The following ATF7IP variants were observed in gnomAD, a reference collection of about 807,000 sequenced individuals.
The protein encoded by ATF7IP is activating transcription factor 7 interacting protein, also known as activating transcription factor 7-interacting protein 1.
A neutral mutation model predicts 106.4 loss-of-function variants in ATF7IP; 23 were observed. That is an observed-to-expected ratio of 0.22 (90% CI 0.16 to 0.31). ATF7IP has a LOEUF of 0.31. Ranked by LOEUF, ATF7IP falls within the 10% of genes least tolerant of loss-of-function variation. The pLI is 1.00. For synonymous variants in ATF7IP, 542 were observed against 539.0 expected, an observed-to-expected ratio of 1.01 and a Z score of -0.08; for missense variants, 1,334 against 1,524.3, an observed-to-expected ratio of 0.88 and a Z score of 2.08.
chr12:14,483,303 C>T (rs1338091782), intron 13 of ATF7IP, among the ~76,000 whole-genome samples: 1 of 152,160 alleles, frequency 6.6e-6, no homozygotes, highest in Non-Finnish European at 1.5e-5. Context: ...CTAAGAGACA[C>T]CCTAATGGAT....
chr12:14,428,614 CAG>C (rs1235011849), intron 2 of ATF7IP, among the ~76,000 whole-genome samples: 2 of 152,128 alleles, frequency 1.3e-5, no homozygotes, highest in African/African-American at 2.4e-5. Context: ...ACTCAGAACA[CAG>C]AATTATTAGC....
Position 14,498,239 on chromosome 12 carries a change from C to T in ATF7IP, c.*166C>T. 1 of 646,042 alleles carries T rather than the reference C, an allele frequency of 1.5e-6. No homozygotes were observed. Among genetic ancestry groups the T allele is most frequent in the Admixed American group, 3.0e-5 (1 of 33,654 alleles). 40.0% of individuals were successfully genotyped at this position (646,042 alleles called of 1,614,324 possible). On this transcript the variant is annotated 3_prime_UTR_variant, in exon 15 of 15. Transcript: ENST00000261168. Reference sequence around the variant, plus strand: ...AACCAGAAGCAAAATAAACTCAGCCCACAAAGCTAGAATCTTTTCCTGGAC... The same window carrying T: ...AACCAGAAGCAAAATAAACTCAGCCTACAAAGCTAGAATCTTTTCCTGGAC...
chr12:14,456,523 G>C (rs1218927984), intron 6 of ATF7IP, 38 bp from the exon 7 acceptor site: 1 of 1,462,700 alleles, frequency 6.8e-7, no homozygotes, highest in Non-Finnish European at 9.5e-7. Context: ...CCTGTGTGTT[G>C]AGTTTTATTT....
At chr12:14,406,564 G>T (rs1232306143) in intron 1 of ATF7IP, among the ~76,000 whole-genome samples, 1 of 150,214 alleles carries the variant, frequency 6.7e-6, no homozygotes, top group Non-Finnish European at 1.5e-5. Context: ...TTAAATTTTG[G>T]ATATCTGTTG....
chr12:14,392,865 A>G (rs1939640569), intron 1 of ATF7IP, among the ~76,000 whole-genome samples: 1 of 152,224 alleles, frequency 6.6e-6, no homozygotes, highest in South Asian at 2.1e-4. Flanking sequence ...TAAAACTCAT[A>G]TTTTATATGC....
intron 13 of ATF7IP, among the ~76,000 whole-genome samples, chr12:14,491,984 A>G (rs796332573): frequency 6.6e-6 from 1 of 152,194 alleles, no homozygotes; most frequent in African/African-American, 2.4e-5. Context: ...ACCTCCAGGT[A>G]TGGGATATAG....
At chr12:14,495,591 T>C (rs541778955) in intron 13 of ATF7IP, among the ~76,000 whole-genome samples, 2 of 152,314 alleles carry the variant, frequency 1.3e-5, no homozygotes, top group East Asian at 3.9e-4. Context: ...TAGGTGGCTC[T>C]AAATTTTCTC....
At chr12:14,441,750 A>T (rs1346499283) in intron 5 of ATF7IP, among the ~76,000 whole-genome samples, 3 of 151,996 alleles carry the variant, frequency 2.0e-5, no homozygotes, top group Non-Finnish European at 2.9e-5. Flanking sequence ...CGGCCTCCCA[A>T]AGTGCTGGGA....
intron 1 of ATF7IP, among the ~76,000 whole-genome samples, chr12:14,367,805 T>C (rs529189438): frequency 6.6e-6 from 1 of 152,208 alleles, no homozygotes; most frequent in East Asian, 1.9e-4. Context: ...GTAAACTTAA[T>C]AAGATTAATT....
intron 1 of ATF7IP, among the ~76,000 whole-genome samples, chr12:14,412,505 T>C (rs1353831854): frequency 1.3e-5 from 2 of 152,168 alleles, no homozygotes; most frequent in African/African-American, 4.8e-5. Context: ...TTTGGCAAAA[T>C]TAATTTTTGA....
chr12:14,483,174 G>T (rs983416833), intron 13 of ATF7IP, among the ~76,000 whole-genome samples: 3 of 152,182 alleles, frequency 2.0e-5, no homozygotes, highest in African/African-American at 7.2e-5. Flanking sequence ...AAGCACCTCA[G>T]CTGGTCGTGG....
intron 13 of ATF7IP, among the ~76,000 whole-genome samples, chr12:14,487,832 G>A (rs1944675741): frequency 6.6e-6 from 1 of 152,122 alleles, no homozygotes; most frequent in Non-Finnish European, 1.5e-5. Context: ...TTTGTCCACT[G>A]AACTTAGGAG....
At chr12:14,470,763 A>T (rs916995690) in intron 10 of ATF7IP, among the ~76,000 whole-genome samples, 1 of 152,226 alleles carries the variant, frequency 6.6e-6, no homozygotes, top group Non-Finnish European at 1.5e-5. Flanking sequence ...TTATAAATGT[A>T]GTTAATAATT....
chr12:14,453,767 G>A (rs1943301878), intron 6 of ATF7IP, among the ~76,000 whole-genome samples: 1 of 151,962 alleles, frequency 6.6e-6, no homozygotes, highest in South Asian at 2.1e-4. Flanking sequence ...TGGGGTTACA[G>A]GTGCCCACCA....
chr12:14,397,185 A>G (rs528900187), intron 1 of ATF7IP, among the ~76,000 whole-genome samples: 2 of 152,234 alleles, frequency 1.3e-5, no homozygotes, highest in Non-Finnish European at 1.5e-5. Context: ...CCAAAAACAA[A>G]CAAAAAAACA....
chr12:14,430,072 C>G (rs776280663), intron 2 of ATF7IP, among the ~76,000 whole-genome samples: 1 of 152,092 alleles, frequency 6.6e-6, no homozygotes, highest in Non-Finnish European at 1.5e-5. Flanking sequence ...AAGAATTGTG[C>G]TTTTGGCATT....
chr12:14,424,608 T>C lies in ATF7IP; in HGVS notation c.693T>C (p.Ser231=). 6.2e-7 allele frequency: 1 copy of C among 1,614,168 alleles called. No homozygotes were observed. The highest frequency in any genetic ancestry group is 1.1e-5 in the South Asian group (1 of 91,088). Residue 231 remains serine, a synonymous_variant, in exon 2 of 15, where the codon TCT becomes TCC. Coordinates refer to ENST00000261168, the MANE Select transcript of ATF7IP (RefSeq NM_018179.5). ...SGDCAADDIA[S]SEITSVDLAS... ...ATTGTGCCGCTGATGATATAGCCTC[T>C]AGTGAAATAACTTCTGTTGATCTGG...
At chr12:14,497,138 T>C (rs7963744) in intron 14 of ATF7IP, among the ~76,000 whole-genome samples, 21,170 of 152,230 alleles carry the variant, frequency 0.14, 1,850 homozygotes, top group South Asian at 0.23. Context: ...AGTTTAAATA[T>C]CACCTTTTTC....
chr12:14,454,609 CT>C (rs1459309275), intron 6 of ATF7IP, among the ~76,000 whole-genome samples: 1 of 152,122 alleles, frequency 6.6e-6, no homozygotes, highest in Non-Finnish European at 1.5e-5. Context: ...CAGTGTGCCT[CT>C]TTTTGGCCTT....
Sources: gnomAD v4.1 joint callset for allele counts (sites outside exome capture counted in the v4.1 genomes callset) on GRCh38, gnomAD v4.1.1 for gene constraint, MANE v1.5 for transcripts, NCBI Gene and HGNC (gene_info 2026-07-23, HGNC 2026-07-21) for gene names.